MTMR3: variants seen among roughly 807,000 people sequenced by gnomAD.
MTMR3 encodes the protein myotubularin related protein 3.
MTMR3 carries 32 observed loss-of-function variants against 132.4 expected under a neutral mutation model. The ratio of observed to expected loss-of-function variants is 0.24; its 90% CI spans 0.18 to 0.32. The LOEUF (loss-of-function observed/expected upper bound fraction) is 0.32. Ranked by LOEUF, MTMR3 falls within the 10% of genes least tolerant of loss-of-function variation. MTMR3 has a pLI of 1.00. For missense variants in MTMR3, 1,216 were observed against 1,489.6 expected (o/e 0.82, Z 3.02); for synonymous variants, 556 against 550.3 (o/e 1.01, Z -0.14).
intron 17 of MTMR3, 68 bp from the exon 18 acceptor site, chr22:30,021,961 A>G (rs1340983655): frequency 6.2e-6 from 8 of 1,292,660 alleles, no homozygotes; most frequent in Non-Finnish European, 9.0e-6. Flanking sequence ...TCCCTTCTTC[A>G]CCAGGCCTTT....
chr22:29,938,846 G>C (rs983210325), intron 1 of MTMR3, among the ~76,000 whole-genome samples: 1 of 151,648 alleles, frequency 6.6e-6, no homozygotes, highest in Admixed American at 6.6e-5. Flanking sequence ...TTTTGAGACA[G>C]AGTCTCACTC....
At chr22:30,017,848 T>C (rs2067636921) in intron 15 of MTMR3, 79 bp from the exon 16 acceptor site, 1 of 1,579,610 alleles carries the variant, frequency 6.3e-7, no homozygotes, top group Non-Finnish European at 8.6e-7. Flanking sequence ...AGCTGGGTGC[T>C]TGCTCTTGAT....
intron 5 of MTMR3, chr22:29,982,937 T>TTTTTTTTTTTTTTTTGTG (rs752531735): frequency 1.4e-5 from 2 of 146,280 alleles, no homozygotes; most frequent in African/African-American, 5.1e-5. Context: ...AAAAGTTTGT[T>TTTTTTTTTTTTTTTTGTG]TGTGTGTGTG....
intron 15 of MTMR3, chr22:30,017,616 A>C: frequency 3.5e-6 from 1 of 284,048 alleles, no homozygotes. Flanking sequence ...AAAAGCAACA[A>C]ATCAAGCTGA....
rs543616983 is a variant in MTMR3 at position 29,946,281 on chromosome 22, G to A, written c.-137-10755G>A. 1.2e-4 allele frequency among the ~76,000 whole-genome samples: 18 copies of A among 152,286 alleles called. No individual in the cohort carries two copies. The South Asian group carries it at 3.5e-3, about 30-fold the overall frequency. ...GGAGCTGTGGTGGGGAGAAGAGAGA[G>A]GAGAGGGAGGCAGATGATGGATTCT... On this transcript the variant is annotated intron_variant, in intron 1 of 19. Coordinates refer to ENST00000401950, the MANE Select transcript of MTMR3 (RefSeq NM_021090.4).
chr22:29,911,093 T>C (rs1440720727), intron 1 of MTMR3, among the ~76,000 whole-genome samples: 2 of 152,174 alleles, frequency 1.3e-5, no homozygotes, highest in Non-Finnish European at 2.9e-5. Context: ...AGGAGGTCTG[T>C]CTGCAGTGGA....
At position 30,020,681 on chromosome 22, in the gene MTMR3, G is replaced by A. The variant is rs150510640; in HGVS notation, c.3022G>A (p.Asp1008Asn). Residue 1008 changes from aspartate to asparagine, a missense_variant, in exon 17 of 20, where the codon GAC becomes AAC. Asp to Asn is a conservative substitution (Grantham distance 23, BLOSUM62 1). Coordinates refer to ENST00000401950, the MANE Select transcript of MTMR3 (RefSeq NM_021090.4). ...SGRPSATSSP[D>N]QPSRSHLDDD... ...AAGGCCATCTGCAACCAGCAGCCCC[G>A]ACCAGCCTTCCCGCAGCCACCTGGA... is the stretch of plus-strand genomic sequence containing the variant. The A allele has an allele frequency of 6.1e-5, 99 of 1,614,050 alleles. No individual in the cohort carries two copies. Among genetic ancestry groups the A allele is most frequent in the Admixed American group, 1.7e-4 (10 of 60,002 alleles).
chr22:29,928,145 A>G (rs939889099), intron 1 of MTMR3, among the ~76,000 whole-genome samples: 7 of 145,668 alleles, frequency 4.8e-5, no homozygotes, highest in Non-Finnish European at 1.1e-4. Flanking sequence ...CATCGTCTGT[A>G]CGGGTAATCA....
At chr22:29,980,734 C>T (rs1213851332) in intron 5 of MTMR3, 1 of 152,082 alleles carries the variant, frequency 6.6e-6, no homozygotes, top group Non-Finnish European at 1.5e-5. Context: ...TATTTTAGAA[C>T]TATTTGGGAA....
At chr22:29,896,961 A>C (rs1327169949) in intron 1 of MTMR3, among the ~76,000 whole-genome samples, 1 of 151,526 alleles carries the variant, frequency 6.6e-6, no homozygotes, top group Non-Finnish European at 1.5e-5. Context: ...TGAATTCCAC[A>C]ACCTTGGCTT....
At chr22:29,917,784 G>A (rs1368559204) in intron 1 of MTMR3, among the ~76,000 whole-genome samples, 1 of 152,106 alleles carries the variant, frequency 6.6e-6, no homozygotes, top group Non-Finnish European at 1.5e-5. Flanking sequence ...AAAATATTGT[G>A]CATTTAATAC....
chr22:29,919,688 A>G (rs187444026), intron 1 of MTMR3, among the ~76,000 whole-genome samples: 3 of 151,746 alleles, frequency 2.0e-5, no homozygotes, highest in Non-Finnish European at 2.9e-5. Flanking sequence ...ATGCCTAGCT[A>G]ATAAAAAAAA....
At chr22:29,954,083 T>TG (rs2066139391) in intron 1 of MTMR3, among the ~76,000 whole-genome samples, 1 of 114,156 alleles carries the variant, frequency 8.8e-6, no homozygotes, top group Admixed American at 8.4e-5. Context: ...TTTTTTTTTT[T>TG]GTCTCTTAAA....
chr22:29,954,775 C>G (rs1403923812), intron 1 of MTMR3, among the ~76,000 whole-genome samples: 2 of 152,206 alleles, frequency 1.3e-5, no homozygotes, highest in Non-Finnish European at 2.9e-5. Context: ...CTTGACCTGT[C>G]TCTTGAACCA....
chr22:29,938,405 T>C (rs555276602), intron 1 of MTMR3, among the ~76,000 whole-genome samples: 1 of 152,350 alleles, frequency 6.6e-6, no homozygotes, highest in East Asian at 1.9e-4. Flanking sequence ...GAATTTCTCC[T>C]TGTGATAGTG....
intron 7 of MTMR3, chr22:29,997,302 A>G (rs529091199): frequency 2.0e-5 from 3 of 152,328 alleles, no homozygotes; most frequent in African/African-American, 7.2e-5. Context: ...TCTTCCATCC[A>G]AGTAATTGCT....
At chr22:29,911,226 C>T (rs368130060) in intron 1 of MTMR3, among the ~76,000 whole-genome samples, 3 of 152,028 alleles carry the variant, frequency 2.0e-5, no homozygotes, top group African/African-American at 7.2e-5. Flanking sequence ...TACGCAGCAT[C>T]TCATTATCCT....
At chr22:29,893,101 T>C (rs886131718) in intron 1 of MTMR3, among the ~76,000 whole-genome samples, 2 of 152,194 alleles carry the variant, frequency 1.3e-5, no homozygotes, top group Non-Finnish European at 2.9e-5. Flanking sequence ...AAGCTGTCAA[T>C]ATTTGTGGAC....
intron 7 of MTMR3, chr22:29,991,890 C>G (rs1168063172): frequency 7.6e-6 from 3 of 397,132 alleles, no homozygotes; most frequent in African/African-American, 4.1e-5. Context: ...TCTATTGGGC[C>G]TAAAAACAGC....
Sources: allele counts gnomAD v4.1 joint callset (sites outside exome capture counted in the v4.1 genomes callset), GRCh38; gene constraint gnomAD v4.1.1; transcripts MANE v1.5; gene names NCBI Gene and HGNC (gene_info 2026-07-23, HGNC 2026-07-21).